LINC00632: variants seen among roughly 807,000 people sequenced by gnomAD.
The protein encoded by LINC00632 is long independently transcribed non-coding RNA 632, also known as ALDOA related specific transcript.
chrX:140,731,122 C>T (rs748210504), intron 2 of LINC00632, among the ~76,000 whole-genome samples: 88 of 111,421 alleles, frequency 7.9e-4, no homozygotes, highest in African/African-American at 2.5e-3. Context: ...AGGCTGGTCT[C>T]GAACTCCTGA....
intron 2 of LINC00632, among the ~76,000 whole-genome samples, chrX:140,732,734 C>T (rs1049732645): frequency 9.1e-5 from 10 of 110,316 alleles, no homozygotes; most frequent in Non-Finnish European, 1.5e-4. Context: ...CACCTAACCA[C>T]GAAGAAGCAC....
exon 5 of LINC00632, chrX:140,782,800 C>T (rs1468587901): frequency 9.0e-6 from 1 of 111,623 alleles, no homozygotes; most frequent in African/African-American, 3.3e-5. Flanking sequence ...ATATCCTGGT[C>T]TCATATTGTC....
intron 3 of LINC00632, among the ~76,000 whole-genome samples, chrX:140,753,446 TG>T (rs999731181): frequency 1.8e-5 from 2 of 111,390 alleles, no homozygotes; most frequent in Admixed American, 9.6e-5. Flanking sequence ...CATATACTTT[TG>T]GGGGGTATGT....
intron 3 of LINC00632, among the ~76,000 whole-genome samples, chrX:140,755,872 G>C (rs1366303631): frequency 9.0e-6 from 1 of 111,269 alleles, no homozygotes. Context: ...AGGGGGGTCA[G>C]ATTGTCCCTA....
At chrX:140,738,861 G>A (rs1164355890) in intron 3 of LINC00632, among the ~76,000 whole-genome samples, 2 of 111,878 alleles carry the variant, frequency 1.8e-5, no homozygotes, top group Non-Finnish European at 3.8e-5. Context: ...TTATATGACA[G>A]TGCTGGTCTA....
intron 3 of LINC00632, among the ~76,000 whole-genome samples, chrX:140,750,143 A>T (rs771549557): frequency 9.0e-6 from 1 of 111,504 alleles, no homozygotes; most frequent in East Asian, 2.8e-4. Flanking sequence ...CCTGGAGAAC[A>T]TTATGTTAAA....
intron 3 of LINC00632, among the ~76,000 whole-genome samples, chrX:140,766,673 T>C (rs1264090437): frequency 4.5e-5 from 5 of 112,213 alleles, no homozygotes; most frequent in Non-Finnish European, 9.4e-5. Context: ...CAGTAAAATA[T>C]GCTTCTACGT....
exon 5 of LINC00632, among the ~76,000 whole-genome samples, chrX:140,779,046 G>A (rs1931905354): frequency 8.9e-6 from 1 of 111,922 alleles, no homozygotes; most frequent in Non-Finnish European, 1.9e-5. Context: ...AGAAGTTAAT[G>A]ACAACACTGC....
intron 3 of LINC00632, among the ~76,000 whole-genome samples, chrX:140,742,892 G>GAAGGA (rs1556024008): frequency 2.0e-5 from 2 of 99,540 alleles, no homozygotes; most frequent in Non-Finnish European, 2.0e-5. Context: ...AGGAAGGAAG[G>GAAGGA]AAGGAAAGGA....
In LINC00632 at chrX:140,762,239, G is replaced by GAA. The variant is rs1284423009; in HGVS notation, n.192-9838_192-9837insAA. Among the ~76,000 whole-genome samples the GAA allele has an allele frequency of 3.5e-4, 38 of 108,865 alleles. 1 individual carries two copies. Among genetic ancestry groups the GAA allele is most frequent in the African/African-American group, 1.1e-3 (33 of 29,720 alleles). The allele number at this position is 108,865 out of a possible 115,157, so 94.5% of individuals were successfully genotyped here. ...AGAGAGAGAGAGAGAGAGAGAGAGAGAGAGCACTCTTATCTTTCCCCACTA... is the reference window on the plus strand; with the variant it reads ...AGAGAGAGAGAGAGAGAGAGAGAGAGAAAGAGCACTCTTATCTTTCCCCACTA... On this transcript the variant is annotated intron_variant and non_coding_transcript_variant, in intron 3 of 4. Transcript: ENST00000648200.
chrX:140,737,392 A>G (rs1931161742), intron 3 of LINC00632, among the ~76,000 whole-genome samples: 1 of 111,851 alleles, frequency 8.9e-6, no homozygotes, highest in East Asian at 2.8e-4. Context: ...TTACATGCCT[A>G]GAATTTGTAA....
chrX:140,763,402 CAAAA>C (rs139059108), intron 3 of LINC00632, among the ~76,000 whole-genome samples: 1,654 of 73,628 alleles, frequency 0.022, 45 homozygotes, highest in African/African-American at 0.075. Flanking sequence ...GACTCTGTCT[CAAAA>C]AAAAAAAAAA....
Position 140,729,156 on chromosome X carries a change from C to T in LINC00632, n.105-4722C>T, listed in dbSNP as rs190029647. Among the ~76,000 whole-genome samples, 9 of 110,912 alleles carry T rather than the reference C, an allele frequency of 8.1e-5. No homozygotes were observed. The East Asian group carries it at 1.4e-3, about 18-fold the overall frequency. ...CAGGCTGACCTTGTAGCACACAGAG[C>T]GGTCCTATAGTATTATACAAACACA... On this transcript the variant is annotated intron_variant and non_coding_transcript_variant, in intron 2 of 4. Transcript: ENST00000648200.
intron 3 of LINC00632, among the ~76,000 whole-genome samples, chrX:140,771,509 T>G (rs1282393519): frequency 2.8e-5 from 3 of 106,008 alleles, no homozygotes; most frequent in Non-Finnish European, 5.8e-5. Context: ...AAGTCACAAA[T>G]GTTGATTATG....
chrX:140,731,579 G>A (rs1264315833), intron 2 of LINC00632, among the ~76,000 whole-genome samples: 1 of 111,931 alleles, frequency 8.9e-6, no homozygotes, highest in Non-Finnish European at 1.9e-5. Flanking sequence ...GCTGTTGTAA[G>A]GATTAAATGA....
intron 3 of LINC00632, among the ~76,000 whole-genome samples, chrX:140,760,054 T>A (rs1188725339): frequency 1.8e-5 from 2 of 111,289 alleles, no homozygotes; most frequent in African/African-American, 6.5e-5. Context: ...TCTCAAGGAG[T>A]TTATCCTCTA....
At chrX:140,724,047 CTGTATG>C (rs1397552320) in intron 2 of LINC00632, among the ~76,000 whole-genome samples, 1 of 53,275 alleles carries the variant, frequency 1.9e-5, no homozygotes, top group South Asian at 8.9e-4. Flanking sequence ...CACACACATT[CTGTATG>C]CACACACACA....
At chrX:140,723,051 AAAG>A (rs1457031851) in intron 2 of LINC00632, among the ~76,000 whole-genome samples, 3 of 94,713 alleles carry the variant, frequency 3.2e-5, no homozygotes, top group Non-Finnish European at 4.5e-5. Context: ...AAAAAAAAAA[AAAG>A]AAAAGAAAAG....
chrX:140,788,034 A>G (rs1360169020), exon 5 of LINC00632, among the ~76,000 whole-genome samples: 9 of 110,384 alleles, frequency 8.2e-5, no homozygotes, highest in African/African-American at 3.0e-4. Context: ...GTCTCAAAAG[A>G]CTACATATAG....
Sources: gnomAD v4.1 joint callset for allele counts (sites outside exome capture counted in the v4.1 genomes callset) on GRCh38, gnomAD v4.1.1 for gene constraint, MANE v1.5 for transcripts, NCBI Gene and HGNC (gene_info 2026-07-23, HGNC 2026-07-21) for gene names.